PHLPP1: variants seen among roughly 807,000 people sequenced by gnomAD.
The protein encoded by PHLPP1 is PH domain and leucine rich repeat protein phosphatase 1.
A neutral mutation model predicts 117.2 loss-of-function variants in PHLPP1; 42 were observed. The observed-to-expected ratio is 0.36, with a 90% CI of 0.28 to 0.46. The LOEUF (loss-of-function observed/expected upper bound fraction) is 0.46, where lower values mean the gene tolerates loss of function less well. Ranked by LOEUF, PHLPP1 falls within the 20% of genes least tolerant of loss-of-function variation. PHLPP1 has a pLI of 1.00. For synonymous variants in PHLPP1, 1,042 were observed against 970.7 expected, an observed-to-expected ratio of 1.07 and a Z score of -1.37; for missense variants, 2,084 against 2,241.9, an observed-to-expected ratio of 0.93 and a Z score of 1.42.
At chr18:62,746,538 T>A (rs1327877106) in intron 1 of PHLPP1, among the ~76,000 whole-genome samples, 1 of 152,198 alleles carries the variant, frequency 6.6e-6, no homozygotes, top group Non-Finnish European at 1.5e-5. Context: ...TTTGCCCAAA[T>A]GATTTTAGCT....
Position 62,894,926 on chromosome 18 carries a change from T to C in PHLPP1, c.2067-85T>C. On this transcript the variant is annotated intron_variant, in intron 4 of 16. Coordinates refer to ENST00000262719, the MANE Select transcript of PHLPP1 (RefSeq NM_194449.4). ...CTTTAGTTGAATTTGGGAGTTGGGC[T>C]AGATTATCTCTTAGGCTATGCTAAA... is the stretch of plus-strand genomic sequence containing the variant. The C allele has an allele frequency of 1.5e-5, 18 of 1,180,398 alleles. No individual in the cohort carries two copies. In the South Asian group the frequency reaches 2.6e-4, roughly 17 times the overall value. The allele number at this position is 1,180,398 out of a possible 1,614,324, so 73.1% of individuals were successfully genotyped here.
chr18:62,757,561 T>C (rs1372059119), intron 1 of PHLPP1, among the ~76,000 whole-genome samples: 3 of 152,266 alleles, frequency 2.0e-5, no homozygotes, highest in Non-Finnish European at 4.4e-5. Context: ...AGGGCTAACC[T>C]TCACTCCTTT....
intron 3 of PHLPP1, among the ~76,000 whole-genome samples, chr18:62,842,352 T>C (rs1915075787): frequency 2.6e-5 from 4 of 152,092 alleles, no homozygotes; most frequent in South Asian, 4.1e-4. Context: ...GGGTGTTACA[T>C]TTTAGTAAAT....
chr18:62,717,536 A>T (rs1276919770), intron 1 of PHLPP1, among the ~76,000 whole-genome samples: 1 of 152,170 alleles, frequency 6.6e-6, no homozygotes, highest in African/African-American at 2.4e-5. Flanking sequence ...ATCCCTCTGA[A>T]AGCGGCAAGA....
At chr18:62,935,712 C>T (rs1270768264) in intron 10 of PHLPP1, among the ~76,000 whole-genome samples, 1 of 152,102 alleles carries the variant, frequency 6.6e-6, no homozygotes, top group African/African-American at 2.4e-5. Context: ...ACATCAAGAC[C>T]TTGGTTTTTG....
intron 3 of PHLPP1, among the ~76,000 whole-genome samples, chr18:62,849,824 A>ATATATATATATATAT (rs1450269021): frequency 1.6e-4 from 7 of 44,776 alleles, no homozygotes; most frequent in Non-Finnish European, 2.3e-4. Flanking sequence ...AAAAAAAAAA[A>ATATATATATATATAT]AAAAAAAAAT....
intron 1 of PHLPP1, among the ~76,000 whole-genome samples, chr18:62,810,015 T>G (rs1327140390): frequency 6.6e-6 from 1 of 152,242 alleles, no homozygotes; most frequent in African/African-American, 2.4e-5. Flanking sequence ...TCCATCTTCG[T>G]GGTTTTTAAG....
chr18:62,914,797 G>A (rs1909218411), intron 8 of PHLPP1, 116 bp from the exon 9 acceptor site: 7 of 673,332 alleles, frequency 1.0e-5, no homozygotes, highest in Admixed American at 5.5e-5. Flanking sequence ...TTCGATTTAT[G>A]CCCTTGGTAC....
chr18:62,801,775 T>C (rs1243227430), intron 1 of PHLPP1, among the ~76,000 whole-genome samples: 1 of 152,150 alleles, frequency 6.6e-6, no homozygotes, highest in Non-Finnish European at 1.5e-5. Context: ...ATGTCCATGG[T>C]TTCTCATATT....
chr18:62,940,882 C>T (rs892917183), intron 10 of PHLPP1, among the ~76,000 whole-genome samples: 11 of 152,142 alleles, frequency 7.2e-5, no homozygotes, highest in East Asian at 1.9e-4. Flanking sequence ...CGTTACACGC[C>T]GTCTCCTGGA....
chr18:62,746,846 A>G (rs1214199513), intron 1 of PHLPP1, among the ~76,000 whole-genome samples: 1 of 151,720 alleles, frequency 6.6e-6, no homozygotes, highest in African/African-American at 2.4e-5. Flanking sequence ...AATGTGATTT[A>G]TTTTTCGCTT....
Position 62,926,058 on chromosome 18 carries a change from T to A in PHLPP1, c.2960+5944T>A, listed in dbSNP as rs578224217. The stretch of plus-strand genomic sequence containing the variant: ...TAACATATACATCCCCTCTCTGCTT[T>A]TTAAAGTGTTGTGTTCCTCAAATAT... On this transcript the variant is annotated intron_variant, in intron 10 of 16. Transcript: ENST00000262719. Among the ~76,000 whole-genome samples the A allele has an allele frequency of 3.9e-5, 6 of 152,348 alleles. No homozygotes were observed. In the South Asian group the frequency reaches 1.2e-3, roughly 32 times the overall value.
intron 4 of PHLPP1, among the ~76,000 whole-genome samples, chr18:62,871,687 C>G (rs1405656619): frequency 6.7e-6 from 1 of 149,772 alleles, no homozygotes; most frequent in Non-Finnish European, 1.5e-5. Context: ...GTCTGTCCCC[C>G]AGGCTGGAGT....
intron 4 of PHLPP1, among the ~76,000 whole-genome samples, chr18:62,873,210 T>C (rs1217264230): frequency 1.3e-5 from 2 of 152,166 alleles, no homozygotes; most frequent in African/African-American, 4.8e-5. Context: ...AAGTAAAGTT[T>C]GATAGTAATA....
intron 1 of PHLPP1, among the ~76,000 whole-genome samples, chr18:62,717,539 C>T (rs1345279346): frequency 1.3e-5 from 2 of 152,102 alleles, no homozygotes; most frequent in Non-Finnish European, 2.9e-5. Flanking sequence ...CCTCTGAAAG[C>T]GGCAAGAGCA....
chr18:62,970,109 G>A (rs893954713), intron 14 of PHLPP1, among the ~76,000 whole-genome samples: 1 of 151,870 alleles, frequency 6.6e-6, no homozygotes, highest in African/African-American at 2.4e-5. Flanking sequence ...ATTCTACCGT[G>A]TGTCTCTGTG....
intron 13 of PHLPP1, among the ~76,000 whole-genome samples, chr18:62,962,041 T>G (rs1910783793): frequency 6.6e-6 from 1 of 152,224 alleles, no homozygotes; most frequent in Non-Finnish European, 1.5e-5. Context: ...TTTTAATTCT[T>G]GTGGTCATGA....
intron 1 of PHLPP1, among the ~76,000 whole-genome samples, chr18:62,805,433 C>T (rs1281135135): frequency 6.6e-6 from 1 of 152,036 alleles, no homozygotes; most frequent in Non-Finnish European, 1.5e-5. Flanking sequence ...ATAGAGGTCA[C>T]TGCAACCTTG....
intron 1 of PHLPP1, among the ~76,000 whole-genome samples, chr18:62,807,096 A>G (rs555231483): frequency 2.0e-4 from 30 of 152,004 alleles, no homozygotes; most frequent in Non-Finnish European, 3.8e-4. Context: ...GTCTTTTGGC[A>G]TTATTATTTC....
Sources: gnomAD v4.1 joint callset for allele counts (sites outside exome capture counted in the v4.1 genomes callset) on GRCh38, gnomAD v4.1.1 for gene constraint, MANE v1.5 for transcripts, NCBI Gene and HGNC (gene_info 2026-07-23, HGNC 2026-07-21) for gene names.